Variants in GK observed in about 807,000 individuals in gnomAD.
GK encodes glycerol kinase, also known as ATP:glycerol 3-phosphotransferase.
A neutral mutation model predicts 56.4 loss-of-function variants in GK; 9 were observed. The ratio of observed to expected loss-of-function variants is 0.16; its 90% CI spans 0.10 to 0.28. GK has a LOEUF of 0.28. GK is among the 10% of genes least tolerant of loss of function. The pLI is 1.00. For missense variants in GK, 161 were observed against 431.4 expected (o/e 0.37, Z 5.55); for synonymous variants, 104 against 144.1 (o/e 0.72, Z 1.99).
intron 19 of GK, chrX:30,724,546 C>G (rs1382471588): frequency 1.1e-5 from 3 of 266,710 alleles, no homozygotes; most frequent in African/African-American, 8.6e-5. Flanking sequence ...GGGGGGCTGT[C>G]TTTATGACCT....
chrX:30,719,355 G>A (rs774048764), intron 14 of GK, 64 bp from the exon 15 acceptor site: 7 of 712,964 alleles, frequency 9.8e-6, no homozygotes, highest in Non-Finnish European at 1.5e-5. Context: ...TTTAAAATAG[G>A]TATGCTTATA....
chrX:30,700,367 G>C lies in GK; in HGVS notation c.748-47G>C, dbSNP rs41311491. The C allele has an allele frequency of 1.3e-3, 1,397 of 1,047,430 alleles. 3 individuals carry two copies. The African/African-American group carries it at 0.016, about 12-fold the overall frequency. 86.3% of individuals were successfully genotyped at this position (1,047,430 alleles called of 1,213,427 possible). A position where few individuals can be genotyped will look rare whatever the true frequency, so the allele number is the denominator to read the frequency against. ...CTCTTGTTGCAGCTATGTTAGTAGA[G>C]CCAAAATTTTGTGACTATTCATAAT... On this transcript the variant is annotated intron_variant, in intron 9 of 20. Transcript: ENST00000427190.
At chrX:30,710,095 A>G (rs1442291609) in intron 13 of GK, among the ~76,000 whole-genome samples, 2 of 112,071 alleles carry the variant, frequency 1.8e-5, no homozygotes, top group Non-Finnish European at 3.8e-5. Context: ...ATCATATGAC[A>G]ATATACCCTC....
intron 9 of GK, 58 bp from the exon 10 acceptor site, chrX:30,700,356 A>G (rs964662040): frequency 8.7e-6 from 7 of 803,914 alleles, no homozygotes; most frequent in Non-Finnish European, 1.3e-5. Context: ...TGTTGCAGCT[A>G]TGTTAGTAGA....
intron 7 of GK, 133 bp downstream of exon 7, chrX:30,696,284 A>G (rs910086932): frequency 5.5e-5 from 27 of 495,104 alleles, no homozygotes; most frequent in Non-Finnish European, 9.4e-5. Context: ...ATGCAAATCT[A>G]TGTTATGTGT....
At chrX:30,680,321 G>A (rs920603779) in intron 4 of GK, among the ~76,000 whole-genome samples, 1 of 112,090 alleles carries the variant, frequency 8.9e-6, no homozygotes, top group Admixed American at 9.5e-5. Flanking sequence ...ATTAATTGTG[G>A]AAAAGCTCTA....
intron 4 of GK, among the ~76,000 whole-genome samples, chrX:30,681,431 G>A (rs1210171389): frequency 1.8e-5 from 2 of 111,932 alleles, no homozygotes; most frequent in Non-Finnish European, 3.8e-5. Context: ...AGAAACAAAA[G>A]TTTAGAAAAG....
chrX:30,711,305 C>A (rs1166441417), intron 13 of GK, among the ~76,000 whole-genome samples: 1 of 111,068 alleles, frequency 9.0e-6, no homozygotes, highest in African/African-American at 3.3e-5. Context: ...GTTGATGAGA[C>A]CTCTGCTGTC....
At chrX:30,665,723 A>G in intron 2 of GK, 139 bp downstream of exon 2, 2 of 463,645 alleles carry the variant, frequency 4.3e-6, no homozygotes, top group South Asian at 6.6e-5. Context: ...AGTCAAGAAA[A>G]TATGCAATAA....
chrX:30,718,788 A>G (rs1308190036), intron 14 of GK, among the ~76,000 whole-genome samples, 172 bp downstream of exon 14: 3 of 112,078 alleles, frequency 2.7e-5, no homozygotes, highest in Non-Finnish European at 5.6e-5. Context: ...TTTATAAAAC[A>G]AGGAATTGAC....
chrX:30,654,918 C>G (rs1168005358), intron 1 of GK, among the ~76,000 whole-genome samples: 1 of 111,562 alleles, frequency 9.0e-6, no homozygotes, highest in Non-Finnish European at 1.9e-5. Context: ...ATGTATATAT[C>G]TGTACATATA....
chrX:30,703,518 T>C (rs984779748), intron 11 of GK, among the ~76,000 whole-genome samples: 4 of 111,328 alleles, frequency 3.6e-5, no homozygotes, highest in Non-Finnish European at 1.9e-5. Flanking sequence ...GAAGTAGGTA[T>C]GTCATCTAGG....
chrX:30,689,752 A>G (rs1300056658), intron 4 of GK: 3 of 238,738 alleles, frequency 1.3e-5, no homozygotes, highest in South Asian at 4.3e-5. Flanking sequence ...TCTCAGGTAC[A>G]CTACATGGCT....
intron 4 of GK, among the ~76,000 whole-genome samples, chrX:30,681,120 C>T (rs1347381703): frequency 1.8e-5 from 2 of 111,548 alleles, no homozygotes; most frequent in African/African-American, 3.3e-5. Context: ...CAAAACAAAA[C>T]GTGACTGAAA....
At chrX:30,663,913 T>G (rs1932863051) in intron 1 of GK, among the ~76,000 whole-genome samples, 1 of 97,575 alleles carries the variant, frequency 1.0e-5, no homozygotes, top group Admixed American at 1.3e-4. Context: ...ACAATATATA[T>G]GAAAAACTTG....
At chrX:30,704,106 A>G (rs1417648525) in intron 11 of GK, among the ~76,000 whole-genome samples, 12 of 87,786 alleles carry the variant, frequency 1.4e-4, no homozygotes, top group Non-Finnish European at 2.0e-4. Flanking sequence ...GAGAAGTCAG[A>G]AAAACAATGC....
chrX:30,692,200 C>A (rs1051166384), intron 5 of GK, among the ~76,000 whole-genome samples: 2 of 111,177 alleles, frequency 1.8e-5, no homozygotes, highest in African/African-American at 6.5e-5. Flanking sequence ...ATTCCGTCCC[C>A]CCACAATAAC....
chrX:30,719,004 T>C (rs191341397), intron 14 of GK, among the ~76,000 whole-genome samples: 1 of 111,319 alleles, frequency 9.0e-6, no homozygotes, highest in East Asian at 2.8e-4. Context: ...CTGTTTTCAG[T>C]CTATAGATAA....
At chrX:30,654,974 A>T (rs1267647652) in intron 1 of GK, among the ~76,000 whole-genome samples, 1 of 111,974 alleles carries the variant, frequency 8.9e-6, no homozygotes, top group Non-Finnish European at 1.9e-5. Flanking sequence ...CATACAATGT[A>T]TATATTTTTT....
Sources: allele counts gnomAD v4.1 joint callset (sites outside exome capture counted in the v4.1 genomes callset), GRCh38; gene constraint gnomAD v4.1.1; transcripts MANE v1.5; gene names NCBI Gene and HGNC (gene_info 2026-07-23, HGNC 2026-07-21).